ZRANB1: variants seen among roughly 807,000 people sequenced by gnomAD.
ZRANB1 encodes zinc finger RANBP2-type containing 1.
In ZRANB1, 16 loss-of-function variants were observed where a neutral mutation model predicts 80.5. That is an observed-to-expected ratio of 0.20 (90% CI 0.13 to 0.30). The LOEUF is 0.30. ZRANB1 is among the 10% of genes least tolerant of loss of function. The pLI is 1.00. For missense variants in ZRANB1, 576 were observed against 862.6 expected, an observed-to-expected ratio of 0.67 and a Z score of 4.16; for synonymous variants, 291 against 293.1, an observed-to-expected ratio of 0.99 and a Z score of 0.07.
Position 124,985,000 on chromosome 10 carries a change from A to T in ZRANB1, c.*8A>T. ...GATGATGAAGATGAATGAAAAAAAA[A>T]ATCAAACAGCAGAAGACCAAGGCAT... On this transcript the variant is annotated 3_prime_UTR_variant, in exon 9 of 9. Coordinates refer to ENST00000359653, the MANE Select transcript of ZRANB1 (RefSeq NM_017580.3). The T allele has an allele frequency of 2.5e-6, 4 of 1,598,918 alleles. No homozygotes were observed. The highest frequency in any genetic ancestry group is 3.4e-6 in the Non-Finnish European group (4 of 1,170,082).
the ZRANB1 span, among the ~76,000 whole-genome samples, chr10:124,931,177 G>A: frequency 2.0e-5 from 3 of 152,076 alleles, no homozygotes; most frequent in South Asian, 6.2e-4. Flanking sequence ...CCGGGCTCAA[G>A]TGATCCTCTC....
At chr10:124,926,435 A>G in the ZRANB1 span, among the ~76,000 whole-genome samples, 170 of 152,252 alleles carry the variant, frequency 1.1e-3, 1 homozygote, top group African/African-American at 3.9e-3. Context: ...TTTTTTTGCC[A>G]AAAACTAGGA....
At chr10:124,925,404 GTGT>G in the ZRANB1 span, among the ~76,000 whole-genome samples, 1 of 152,064 alleles carries the variant, frequency 6.6e-6, no homozygotes, top group African/African-American at 2.4e-5. Flanking sequence ...GTTTAGAGTG[GTGT>G]TTATTTCAGT....
In ZRANB1 at chr10:124,974,360, G is replaced by C; in HGVS notation, c.1389G>C (p.Arg463=). 2 of 1,614,226 alleles carry C rather than the reference G, an allele frequency of 1.2e-6. No individual in the cohort carries two copies. The highest frequency in any genetic ancestry group is 1.7e-6 in the Non-Finnish European group (2 of 1,180,034). The change falls in exon 5 of 9, where the codon CGG becomes CGC. Residue 463 remains arginine (R), a synonymous_variant. Transcript: ENST00000359653. ...TCTATGACAAGGACTCAGTGCTTCG[G>C]AAAGCCCTGCATGACAGCCTGCATG... ...WGIYDKDSVL[R]KALHDSLHDC... is the part of the protein sequence containing the mutation.
At chr10:124,965,077 C>G (rs1318456272) in intron 1 of ZRANB1, among the ~76,000 whole-genome samples, 1 of 152,150 alleles carries the variant, frequency 6.6e-6, no homozygotes, top group Non-Finnish European at 1.5e-5. Context: ...GAAAGGCTTG[C>G]CCCTTTGGGA....
chr10:124,946,264 C>G (rs1951581561), intron 1 of ZRANB1: 1 of 151,840 alleles, frequency 6.6e-6, no homozygotes, highest in Non-Finnish European at 1.5e-5. Context: ...ACTAAAAATA[C>G]AAAATTAGCC....
At position 124,942,254 on chromosome 10, in the gene ZRANB1, G is replaced by A. The variant is rs913983315; in HGVS notation, c.-240G>A. 8.9e-5 allele frequency: 119 copies of A among 1,335,410 alleles called. No homozygotes were observed. Among genetic ancestry groups the A allele is most frequent in the Non-Finnish European group, 1.1e-4 (112 of 1,044,074 alleles). The allele number at this position is 1,335,410 out of a possible 1,614,324, so 82.7% of individuals were successfully genotyped here. A position where few individuals can be genotyped will look rare whatever the true frequency, so the allele number is the denominator to read the frequency against. On this transcript the variant is annotated 5_prime_UTR_variant, in exon 1 of 9. Transcript: ENST00000359653. ...AAAGTTCAGTTTTATTAAATCCCAG[G>A]GTCTAAGATTTTTTCTTTGAGAATT... is the stretch of plus-strand genomic sequence containing the variant.
intron 1 of ZRANB1, among the ~76,000 whole-genome samples, chr10:124,958,902 G>A (rs538555457): frequency 1.1e-4 from 17 of 152,156 alleles, no homozygotes; most frequent in Non-Finnish European, 2.2e-4. Flanking sequence ...CCCAGTCTGG[G>A]CAACATAAAA....
At chr10:124,923,888 G>A in the ZRANB1 span, among the ~76,000 whole-genome samples, 2 of 151,496 alleles carry the variant, frequency 1.3e-5, no homozygotes, top group African/African-American at 2.4e-5. Context: ...TTTGGGTGGG[G>A]ACACAGAGCC....
intron 2 of ZRANB1, among the ~76,000 whole-genome samples, chr10:124,967,897 T>TC (rs1444433395): frequency 5.3e-5 from 8 of 152,042 alleles, no homozygotes; most frequent in African/African-American, 1.9e-4. Context: ...CAGGTTTTTT[T>TC]TTTCTTTCTT....
chr10:124,964,221 T>A (rs1251353406), intron 1 of ZRANB1, among the ~76,000 whole-genome samples: 1 of 152,242 alleles, frequency 6.6e-6, no homozygotes, highest in East Asian at 1.9e-4. Context: ...CTGGTTATAT[T>A]TTTAAAAAGC....
intron 2 of ZRANB1, among the ~76,000 whole-genome samples, chr10:124,967,675 G>C (rs1433402480): frequency 2.0e-5 from 3 of 152,062 alleles, no homozygotes; most frequent in Non-Finnish European, 4.4e-5. Flanking sequence ...GCCATAGAAG[G>C]GTACCCAGAA....
chr10:124,944,813 T>A (rs1951566323), intron 1 of ZRANB1, among the ~76,000 whole-genome samples: 1 of 152,094 alleles, frequency 6.6e-6, no homozygotes, highest in South Asian at 2.1e-4. Context: ...AGTTTTCAAT[T>A]TTAGCTTTGT....
intron 5 of ZRANB1, among the ~76,000 whole-genome samples, chr10:124,977,078 C>T (rs1367618517): frequency 1.3e-5 from 2 of 151,982 alleles, no homozygotes; most frequent in African/African-American, 4.8e-5. Flanking sequence ...AGGTGATCCT[C>T]CCACCTCAGC....
At chr10:124,974,532 A>G in intron 5 of ZRANB1, 134 bp downstream of exon 5, 1 of 899,310 alleles carries the variant, frequency 1.1e-6, no homozygotes, top group South Asian at 1.8e-5. Flanking sequence ...TTTGGACATT[A>G]AAATACTTTG....
At chr10:124,978,546 C>T (rs1233092380) in intron 5 of ZRANB1, among the ~76,000 whole-genome samples, 1 of 152,152 alleles carries the variant, frequency 6.6e-6, no homozygotes, top group Non-Finnish European at 1.5e-5. Context: ...CAGTGACATG[C>T]CAACCCAATT....
intron 5 of ZRANB1, among the ~76,000 whole-genome samples, chr10:124,979,338 GT>G (rs1351515476): frequency 6.6e-6 from 1 of 152,118 alleles, no homozygotes; most frequent in African/African-American, 2.4e-5. Context: ...AGCGTCTTTG[GT>G]TTAATATCTT....
intron 1 of ZRANB1, among the ~76,000 whole-genome samples, chr10:124,957,172 GTTTTT>G (rs34968792): frequency 2.7e-5 from 4 of 145,632 alleles, no homozygotes; most frequent in African/African-American, 1.0e-4. Flanking sequence ...AACAGCACCT[GTTTTT>G]TTTTTTTTAT....
the ZRANB1 span, among the ~76,000 whole-genome samples, chr10:124,924,879 C>T: frequency 1.1e-3 from 164 of 150,132 alleles, no homozygotes; most frequent in Non-Finnish European, 1.0e-3. Context: ...AACTTTCTGC[C>T]TGTTTTCCAA....
Sources: allele counts gnomAD v4.1 joint callset (sites outside exome capture counted in the v4.1 genomes callset), GRCh38; gene constraint gnomAD v4.1.1; transcripts MANE v1.5; gene names NCBI Gene and HGNC (gene_info 2026-07-23, HGNC 2026-07-21).